BICD1: variants seen among roughly 807,000 people sequenced by gnomAD.
BICD1 encodes protein bicaudal D homolog 1.
In BICD1, 35 loss-of-function variants were observed where a neutral mutation model predicts 92.5. The observed-to-expected ratio is 0.38, with a 90% CI of 0.29 to 0.50. The LOEUF (loss-of-function observed/expected upper bound fraction) is 0.50. Ranked by LOEUF, BICD1 falls within the 20% of genes least tolerant of loss-of-function variation. The pLI is 0.93. For synonymous variants in BICD1, 429 were observed against 465.1 expected (o/e 0.92, Z 1.00); for missense variants, 950 against 1,189.8 (o/e 0.80, Z 2.97).
chr12:32,115,822 C>G (rs188325483), intron 1 of BICD1, among the ~76,000 whole-genome samples: 1 of 152,128 alleles, frequency 6.6e-6, no homozygotes, highest in African/African-American at 2.4e-5. Flanking sequence ...AGCATAATAC[C>G]TGGCTAGTTT....
chr12:32,274,989 C>T (rs1947238538), intron 2 of BICD1, among the ~76,000 whole-genome samples: 1 of 137,250 alleles, frequency 7.3e-6, no homozygotes, highest in Non-Finnish European at 1.6e-5. Flanking sequence ...AGTCTTGGCA[C>T]ATTGTAAACA....
intron 8 of BICD1, among the ~76,000 whole-genome samples, chr12:32,346,609 T>C (rs1244865496): frequency 0.039 from 160 of 4,126 alleles, 26 homozygotes; most frequent in African/African-American, 0.16. Flanking sequence ...TATATATATA[T>C]ATACGTGTAT....
intron 2 of BICD1, 76 bp downstream of exon 2, chr12:32,216,535 AAC>A (rs1402709001): frequency 6.8e-7 from 1 of 1,473,064 alleles, no homozygotes; most frequent in Non-Finnish European, 9.3e-7. Context: ...AGAGAGGAAT[AAC>A]ACTTTTGTTT....
chr12:32,252,176 T>C (rs1216557421), intron 2 of BICD1, among the ~76,000 whole-genome samples: 1 of 115,670 alleles, frequency 8.6e-6, no homozygotes, highest in Non-Finnish European at 1.8e-5. Flanking sequence ...ATAATAAATA[T>C]TATATAATAT....
In BICD1 at chr12:32,289,639, T is replaced by C. The variant is rs1002366778; in HGVS notation, c.427-4355T>C. ...AACTTGTGATCCGCCCACCTTGGCC[T>C]CCCAAAGTGCTGGGATTACAGGCGT... On this transcript the variant is annotated intron_variant, in intron 2 of 9. Transcript: ENST00000652176. Among the ~76,000 whole-genome samples the C allele has an allele frequency of 3.3e-5, 5 of 152,348 alleles. No individual in the cohort carries two copies. In the South Asian group the frequency reaches 8.3e-4, roughly 25 times the overall value.
At chr12:32,176,394 A>G (rs984541458) in intron 1 of BICD1, among the ~76,000 whole-genome samples, 8 of 152,192 alleles carry the variant, frequency 5.3e-5, no homozygotes, top group African/African-American at 1.4e-4. Flanking sequence ...TTATTGATGT[A>G]TGATTGAGGT....
At chr12:32,286,312 A>T (rs553172708) in intron 2 of BICD1, among the ~76,000 whole-genome samples, 2 of 152,230 alleles carry the variant, frequency 1.3e-5, no homozygotes, top group East Asian at 3.9e-4. Context: ...ATTTTATATA[A>T]ATGACTGTCA....
intron 2 of BICD1, among the ~76,000 whole-genome samples, chr12:32,287,539 T>TG (rs1161571770): frequency 3.1e-5 from 4 of 129,798 alleles, no homozygotes; most frequent in Admixed American, 7.6e-5. Context: ...GTGTTTTTTT[T>TG]TTTGTTTTTT....
At position 32,378,780 on chromosome 12, in the gene BICD1, C is replaced by T. The variant is rs182258902; in HGVS notation, c.*1153C>T. 1 of 151,994 alleles carries T rather than the reference C, an allele frequency of 6.6e-6. No individual in the cohort carries two copies. Among genetic ancestry groups the T allele is most frequent in the Non-Finnish European group, 1.5e-5 (1 of 68,018 alleles). The allele number at this position is 151,994 out of a possible 1,614,324, so 9.4% of individuals were successfully genotyped here. On this transcript the variant is annotated 3_prime_UTR_variant, in exon 10 of 10. Transcript: ENST00000652176. Reference sequence around the variant, plus strand: ...TGCCAAAAAAACAATAGATAATAAACCTTAGCTCATTGTCTACTTTTGACA... The same window carrying T: ...TGCCAAAAAAACAATAGATAATAAATCTTAGCTCATTGTCTACTTTTGACA...
intron 1 of BICD1, among the ~76,000 whole-genome samples, chr12:32,159,513 T>C (rs1943538890): frequency 6.6e-6 from 1 of 152,216 alleles, no homozygotes; most frequent in Non-Finnish European, 1.5e-5. Flanking sequence ...AACTGTGTCC[T>C]CTCAGTCCTG....
intron 2 of BICD1, among the ~76,000 whole-genome samples, chr12:32,240,226 T>A (rs1002134508): frequency 6.6e-6 from 1 of 152,208 alleles, no homozygotes; most frequent in African/African-American, 2.4e-5. Flanking sequence ...CATATTAATT[T>A]TTTATGGCTG....
intron 2 of BICD1, among the ~76,000 whole-genome samples, chr12:32,231,611 T>G (rs1945890862): frequency 6.6e-6 from 1 of 151,896 alleles, no homozygotes; most frequent in Admixed American, 6.6e-5. Context: ...TATTATACTT[T>G]AAGTTTTAGG....
chr12:32,189,033 T>A (rs1251365473), intron 1 of BICD1, among the ~76,000 whole-genome samples: 3 of 152,258 alleles, frequency 2.0e-5, no homozygotes, highest in Non-Finnish European at 4.4e-5. Context: ...GAGTTCTCTC[T>A]TTAATTTTAA....
At chr12:32,184,217 A>G (rs1421901455) in intron 1 of BICD1, among the ~76,000 whole-genome samples, 1 of 152,210 alleles carries the variant, frequency 6.6e-6, no homozygotes, top group Non-Finnish European at 1.5e-5. Flanking sequence ...TCATGCCAAC[A>G]CTGATGTTTT....
chr12:32,335,987 C>T (rs759890961), intron 6 of BICD1, among the ~76,000 whole-genome samples: 5 of 152,088 alleles, frequency 3.3e-5, no homozygotes, highest in Non-Finnish European at 7.4e-5. Flanking sequence ...TTACATTTGG[C>T]TGATACATGT....
intron 1 of BICD1, among the ~76,000 whole-genome samples, chr12:32,116,528 A>G (rs1317152902): frequency 1.4e-5 from 2 of 144,540 alleles, no homozygotes; most frequent in African/African-American, 2.6e-5. Flanking sequence ...ATATATATAT[A>G]TGTAATTTTG....
intron 2 of BICD1, among the ~76,000 whole-genome samples, chr12:32,223,415 G>A (rs1460267190): frequency 6.6e-6 from 1 of 151,974 alleles, no homozygotes; most frequent in African/African-American, 2.4e-5. Context: ...CTACTCGGGA[G>A]GCTGAGGCGG....
chr12:32,303,418 C>T (rs10844173), intron 3 of BICD1, among the ~76,000 whole-genome samples: 25,442 of 152,102 alleles, frequency 0.17, 2,716 homozygotes, highest in African/African-American at 0.29. Flanking sequence ...TGCTGGTTTA[C>T]CATCAGCTTT....
chr12:32,339,079 C>A, intron 8 of BICD1, 100 bp downstream of exon 8: 1 of 1,393,788 alleles, frequency 7.2e-7, no homozygotes, highest in Non-Finnish European at 9.2e-7. Flanking sequence ...GCAGAGTATA[C>A]CTTTGATGAT....
Sources: gnomAD v4.1 joint callset for allele counts (sites outside exome capture counted in the v4.1 genomes callset) on GRCh38, gnomAD v4.1.1 for gene constraint, MANE v1.5 for transcripts, NCBI Gene and HGNC (gene_info 2026-07-23, HGNC 2026-07-21) for gene names.